Variants in MED1 observed in about 807,000 individuals in gnomAD.
The protein encoded by MED1 is mediator of RNA polymerase II transcription subunit 1.
In MED1, 17 loss-of-function variants were observed where a neutral mutation model predicts 121.3. The observed-to-expected ratio is 0.14, with a 90% CI of 0.10 to 0.21. The LOEUF (loss-of-function observed/expected upper bound fraction) is 0.21. Among genes scored for constraint, MED1 ranks in the 10% least tolerant of loss-of-function variants. The pLI is 1.00. For missense variants in MED1, 1,558 were observed against 1,919.4 expected, an observed-to-expected ratio of 0.81 and a Z score of 3.52; for synonymous variants, 661 against 694.4, an observed-to-expected ratio of 0.95 and a Z score of 0.76.
At chr17:39,424,481 A>G (rs1379977304) in intron 11 of MED1, 146 bp downstream of exon 11, 2 of 597,644 alleles carry the variant, frequency 3.3e-6, no homozygotes, top group Non-Finnish European at 5.8e-6. Flanking sequence ...ACACTCAGAT[A>G]TCAAACAAAA....
chr17:39,432,081 G>T, intron 7 of MED1, 65 bp from the exon 8 acceptor site: 2 of 1,214,366 alleles, frequency 1.6e-6, no homozygotes, highest in Non-Finnish European at 2.4e-6. Flanking sequence ...GGGTGGCTCA[G>T]CCTGTAATCC....
At chr17:39,431,275 TC>T (rs1224114631) in intron 8 of MED1, 87 bp from the exon 9 acceptor site, 1 of 1,085,020 alleles carries the variant, frequency 9.2e-7, no homozygotes, top group African/African-American at 1.8e-5. Context: ...CTCTCCGAAG[TC>T]TTGTCTTTTT....
intron 6 of MED1, among the ~76,000 whole-genome samples, chr17:39,435,996 C>T (rs535073014): frequency 6.6e-6 from 1 of 151,976 alleles, no homozygotes; most frequent in East Asian, 1.9e-4. Flanking sequence ...CGCTTGAACC[C>T]GGGAGGGGGA....
At chr17:39,431,917 A>G in intron 8 of MED1, 25 bp downstream of exon 8, 1 of 1,522,484 alleles carries the variant, frequency 6.6e-7, no homozygotes, top group Non-Finnish European at 9.1e-7. Flanking sequence ...GGGATCATGT[A>G]GAATTAAGGT....
At position 39,430,288 on chromosome 17, in the gene MED1, G is replaced by A. The variant is rs573456794; in HGVS notation, c.649+827C>T. ...TAATCCCAGCTACTCGGGAGGCTGA[G>A]GCAGGAGAATCCCTTGAACCCAGGA... On this transcript the variant is annotated intron_variant, in intron 9 of 16. Coordinates refer to ENST00000300651, the MANE Select transcript of MED1 (RefSeq NM_004774.4). Among the ~76,000 whole-genome samples, 11 of 152,254 alleles carry A rather than the reference G, an allele frequency of 7.2e-5. No homozygotes were observed. In the South Asian group the frequency reaches 1.0e-3, roughly 14 times the overall value.
chr17:39,415,691 C>T (rs1168360557), intron 14 of MED1, among the ~76,000 whole-genome samples: 1 of 151,920 alleles, frequency 6.6e-6, no homozygotes, highest in East Asian at 1.9e-4. Context: ...GTGGCACATG[C>T]CTGTAATCCC....
At chr17:39,420,263 G>A (rs1021198181) in intron 13 of MED1, among the ~76,000 whole-genome samples, 5 of 147,832 alleles carry the variant, frequency 3.4e-5, no homozygotes, top group Admixed American at 1.4e-4. Context: ...GCAGTGGTGC[G>A]ATCTCGGCTC....
At chr17:39,422,386 G>A (rs1372480605) in intron 13 of MED1, among the ~76,000 whole-genome samples, 1 of 146,612 alleles carries the variant, frequency 6.8e-6, no homozygotes, top group Non-Finnish European at 1.5e-5. Flanking sequence ...GGATGCTCTC[G>A]ATCTCTTGAC....
In MED1 at chr17:39,436,934, C is replaced by CT. The variant is rs879348801; in HGVS notation, c.428+2230dup. The stretch of plus-strand genomic sequence containing the variant: ...ACGTGTGAGCCACTATGCTCAGCTA[C>CT]TTTTTTTTTTTTTTTGAGACAGAGT... On this transcript the variant is annotated intron_variant, in intron 6 of 16. Coordinates refer to ENST00000300651, the MANE Select transcript of MED1 (RefSeq NM_004774.4). 1.9e-3 allele frequency among the ~76,000 whole-genome samples: 274 copies of CT among 142,608 alleles called. 1 individual carries two copies. The highest frequency in any genetic ancestry group is 4.9e-3 in the Admixed American group (69 of 14,132). The allele number at this position is 142,608 out of a possible 152,430, so 93.6% of individuals were successfully genotyped here. A position where few individuals can be genotyped will look rare whatever the true frequency, so the allele number is the denominator to read the frequency against.
At chr17:39,431,844 T>A in intron 8 of MED1, 98 bp downstream of exon 8, 1 of 742,242 alleles carries the variant, frequency 1.3e-6, no homozygotes, top group Non-Finnish European at 2.2e-6. Context: ...AAGGACATAT[T>A]ATCATACAGG....
At chr17:39,425,453 C>T (rs1358626584) in intron 10 of MED1, among the ~76,000 whole-genome samples, 1 of 152,158 alleles carries the variant, frequency 6.6e-6, no homozygotes, top group African/African-American at 2.4e-5. Flanking sequence ...TCTCAGCCTC[C>T]CACAGTGCTG....
chr17:39,448,373 A>C (rs1052915094), intron 1 of MED1, among the ~76,000 whole-genome samples: 1 of 151,522 alleles, frequency 6.6e-6, no homozygotes, highest in African/African-American at 2.4e-5. Context: ...CTGTCTCAAA[A>C]AAAAAAAGAA....
In MED1 at chr17:39,440,185, G is replaced by A. The variant is rs1388828086; in HGVS notation, c.399+201C>T. ...TCCTATGGTGTTTCCACTTGTTAAAGCCTTTGGATGATGTCAGAGATGGGA... is the reference window on the plus strand; with the variant it reads ...TCCTATGGTGTTTCCACTTGTTAAAACCTTTGGATGATGTCAGAGATGGGA... On this transcript the variant is annotated intron_variant, in intron 5 of 16. Coordinates refer to ENST00000300651, the MANE Select transcript of MED1 (RefSeq NM_004774.4). The surrounding 1 kb of genome is among the most constrained non-coding windows in gnomAD (Gnocchi z 4.1). Among the ~76,000 whole-genome samples, 1 of 152,124 alleles carries A rather than the reference G, an allele frequency of 6.6e-6. No homozygotes were observed. Among genetic ancestry groups the A allele is most frequent in the Non-Finnish European group, 1.5e-5 (1 of 68,018 alleles).
At position 39,408,037 on chromosome 17, in the gene MED1, CTGA is replaced by C. The variant is rs1325485697; in HGVS notation, c.4181_4183del (p.Ile1394del). On this transcript the variant is annotated inframe_deletion, in exon 17 of 17. Transcript: ENST00000300651. This position sits in a 1 kb window ranked among gnomAD's most constrained non-coding sequence, Gnocchi z 4.7. ...GCTAGGGGAGCCTCCATCATGCTTA[CTGA>C]TGATAATTTTTGCCACACCTGTGCT... The C allele has an allele frequency of 1.9e-6, 3 of 1,614,220 alleles. No individual in the cohort carries two copies. The highest frequency in any genetic ancestry group is 1.1e-5 in the South Asian group (1 of 91,084).
chr17:39,414,993 A>G, intron 16 of MED1, 33 bp downstream of exon 16: 1 of 1,583,404 alleles, frequency 6.3e-7, no homozygotes. Flanking sequence ...TACATCTCTA[A>G]ATGGGACTCA....
chr17:39,425,700 G>A (rs1370852737), intron 10 of MED1, among the ~76,000 whole-genome samples: 1 of 152,024 alleles, frequency 6.6e-6, no homozygotes, highest in Middle Eastern at 3.2e-3. Context: ...TACTCAGGAG[G>A]CTGAGGCAGG....
At chr17:39,429,046 G>T (rs1485962659) in intron 9 of MED1, among the ~76,000 whole-genome samples, 5 of 151,968 alleles carry the variant, frequency 3.3e-5, no homozygotes, top group African/African-American at 1.2e-4. Flanking sequence ...AAGGCCAGGT[G>T]AACTGGCTCA....
intron 14 of MED1, among the ~76,000 whole-genome samples, chr17:39,416,091 T>C (rs1180469439): frequency 1.3e-5 from 2 of 151,936 alleles, no homozygotes; most frequent in Non-Finnish European, 2.9e-5. Context: ...TTTTTTCACA[T>C]ACAAAACCTA....
At chr17:39,438,337 ATTTTT>A (rs1185343270) in intron 6 of MED1, among the ~76,000 whole-genome samples, 1 of 58,942 alleles carries the variant, frequency 1.7e-5, no homozygotes, top group Non-Finnish European at 3.3e-5. Flanking sequence ...TGCCTGGCTA[ATTTTT>A]TTTTTTTTTT....
Sources: allele counts gnomAD v4.1 joint callset (sites outside exome capture counted in the v4.1 genomes callset), GRCh38; gene constraint gnomAD v4.1.1; non-coding constraint Gnocchi (gnomAD v3.1); transcripts MANE v1.5; gene names NCBI Gene and HGNC (gene_info 2026-07-23, HGNC 2026-07-21).